Variants in TENM1 observed in about 807,000 individuals in gnomAD.
TENM1 encodes teneurin-1.
In TENM1, 35 loss-of-function variants were observed where a neutral mutation model predicts 174.8. That is an observed-to-expected ratio of 0.20 (90% confidence interval 0.15 to 0.27). The LOEUF (loss-of-function observed/expected upper bound fraction) is 0.27, where lower values mean the gene tolerates loss of function less well. Ranked by LOEUF, TENM1 falls within the 10% of genes least tolerant of loss-of-function variation. The probability of loss-of-function intolerance (pLI) is 1.00; values close to 1 mark genes in which losing one functional copy is unlikely to be tolerated. For synonymous variants in TENM1, 781 were observed against 798.7 expected (o/e 0.98, Z 0.37); for missense variants, 1,633 against 2,130.1 (o/e 0.77, Z 4.59).
intron 23 of TENM1, among the ~76,000 whole-genome samples, chrX:124,429,758 T>C (rs186267098): frequency 2.6e-4 from 29 of 111,799 alleles, no homozygotes; most frequent in African/African-American, 9.1e-4. Flanking sequence ...GGCTCTGTTG[T>C]CAGGTGGTGC....
intron 11 of TENM1, among the ~76,000 whole-genome samples, chrX:124,594,284 T>C (rs1029787802): frequency 3.6e-5 from 4 of 111,740 alleles, no homozygotes; most frequent in Non-Finnish European, 7.5e-5. Context: ...CCCTGGGATC[T>C]GGAGTGTCCT....
chrX:125,168,356 T>G, the TENM1 span, among the ~76,000 whole-genome samples: 2 of 111,696 alleles, frequency 1.8e-5, no homozygotes, highest in East Asian at 5.7e-4. Context: ...TACTTTCCAT[T>G]TAGACTTGTT....
chrX:125,149,332 C>A, the TENM1 span, among the ~76,000 whole-genome samples: 2 of 111,860 alleles, frequency 1.8e-5, no homozygotes. Flanking sequence ...TCGCCATTAA[C>A]AGAATTAACT....
At chrX:124,815,957 G>A (rs2055886533) in intron 3 of TENM1, among the ~76,000 whole-genome samples, 1 of 111,854 alleles carries the variant, frequency 8.9e-6, no homozygotes, top group African/African-American at 3.2e-5. Context: ...TAGGGGTTAA[G>A]TAGATTTGGA....
chrX:124,908,657 TAAAGTA>T, intron 1 of TENM1, among the ~76,000 whole-genome samples: 1 of 111,154 alleles, frequency 9.0e-6, no homozygotes, highest in South Asian at 3.9e-4. Flanking sequence ...TCTCAGAACT[TAAAGTA>T]AATTTTTTTA....
intron 14 of TENM1, among the ~76,000 whole-genome samples, chrX:124,561,338 A>G (rs5958525): frequency 0.036 from 3,987 of 110,911 alleles, 78 homozygotes; most frequent in African/African-American, 0.067. Context: ...TAGCTATGTG[A>G]TTCTGGATAA....
At chrX:124,985,193 T>C in the TENM1 span, among the ~76,000 whole-genome samples, 1 of 112,221 alleles carries the variant, frequency 8.9e-6, no homozygotes, top group Non-Finnish European at 1.9e-5. Flanking sequence ...CAGCACAAAC[T>C]GGAAGTGCCT....
chrX:124,863,098 C>T lies in TENM1; in HGVS notation c.535+31198G>A, dbSNP rs770308406. 1.0e-3 allele frequency among the ~76,000 whole-genome samples: 113 copies of T among 108,638 alleles called. 1 individual carries two copies. Among genetic ancestry groups the T allele is most frequent in the Non-Finnish European group, 1.9e-3 (99 of 52,532 alleles). 94.3% of individuals were successfully genotyped at this position (108,638 alleles called of 115,157 possible). ...AGTCATCACCTGCTAATTGAAGAGCCTTTGGACCCCAAATAAACAGCAATG... is the reference window on the plus strand; with the variant it reads ...AGTCATCACCTGCTAATTGAAGAGCTTTTGGACCCCAAATAAACAGCAATG... On this transcript the variant is annotated intron_variant, in intron 3 of 31. Transcript: ENST00000422452.
At chrX:124,682,694 C>T (rs1217139541) in intron 5 of TENM1, among the ~76,000 whole-genome samples, 1 of 110,658 alleles carries the variant, frequency 9.0e-6, no homozygotes, top group Non-Finnish European at 1.9e-5. Flanking sequence ...ATAATGGCAC[C>T]TCTGTGGTCT....
At chrX:124,897,770 T>C (rs1407878935) in intron 1 of TENM1, among the ~76,000 whole-genome samples, 2 of 112,562 alleles carry the variant, frequency 1.8e-5, no homozygotes, top group East Asian at 5.6e-4. Flanking sequence ...ATTCCCTTTT[T>C]CTACAAAAAC....
chrX:124,893,737 C>T (rs188689447), intron 3 of TENM1, among the ~76,000 whole-genome samples: 1,181 of 111,377 alleles, frequency 0.011, 15 homozygotes, highest in African/African-American at 0.037. Context: ...ACCAATGCCC[C>T]CTTACTAAGG....
rs750890198 is a variant in TENM1 at position 124,532,056 on chromosome X, C to T, written c.2652-2073G>A. On this transcript the variant is annotated intron_variant, in intron 15 of 31. Transcript: ENST00000422452. Reference sequence around the variant, plus strand: ...TTTAGAAATTAGTTAAGCATTGTTTCCTGAGCTCTCAATGCTGTTAGCTGC... The same window carrying T: ...TTTAGAAATTAGTTAAGCATTGTTTTCTGAGCTCTCAATGCTGTTAGCTGC... 1.8e-4 allele frequency among the ~76,000 whole-genome samples: 20 copies of T among 111,538 alleles called. No homozygotes were observed. In the South Asian group the frequency reaches 6.1e-3, roughly 34 times the overall value.
the TENM1 span, among the ~76,000 whole-genome samples, chrX:125,198,898 G>A: frequency 9.1e-6 from 1 of 110,388 alleles, no homozygotes; most frequent in South Asian, 3.9e-4. Context: ...GGGGAGTAGG[G>A]TGTAGAATTG....
chrX:124,592,654 T>C (rs2049783242), intron 11 of TENM1, among the ~76,000 whole-genome samples: 1 of 110,174 alleles, frequency 9.1e-6, no homozygotes, highest in Admixed American at 9.6e-5. Context: ...AGGCTGGTCT[T>C]GAACTCTTGA....
At chrX:125,170,072 T>C in the TENM1 span, among the ~76,000 whole-genome samples, 1 of 111,458 alleles carries the variant, frequency 9.0e-6, no homozygotes, top group Non-Finnish European at 1.9e-5. Flanking sequence ...GACTAGGTGC[T>C]GCTGTAAAAT....
intron 3 of TENM1, among the ~76,000 whole-genome samples, chrX:124,853,921 C>G (rs909877808): frequency 9.0e-6 from 1 of 111,054 alleles, no homozygotes; most frequent in Non-Finnish European, 1.9e-5. Context: ...GGTGCAACTA[C>G]AAGAGTGTCA....
At chrX:125,154,481 G>T in the TENM1 span, among the ~76,000 whole-genome samples, 1 of 111,809 alleles carries the variant, frequency 8.9e-6, no homozygotes. Flanking sequence ...AAATTCCACA[G>T]AGGTCTGTTG....
intron 23 of TENM1, among the ~76,000 whole-genome samples, chrX:124,433,553 G>A (rs1222818257): frequency 1.8e-5 from 2 of 111,621 alleles, no homozygotes; most frequent in Non-Finnish European, 3.8e-5. Context: ...ATGAGTTTTC[G>A]ACGGCAAAGA....
chrX:124,510,811 C>T (rs1348376149), intron 18 of TENM1, among the ~76,000 whole-genome samples: 2 of 70,292 alleles, frequency 2.8e-5, no homozygotes, highest in African/African-American at 9.8e-5. Context: ...TTTTCTGAGA[C>T]AATACTGTCT....
Sources: gnomAD v4.1 joint callset for allele counts (sites outside exome capture counted in the v4.1 genomes callset) on GRCh38, gnomAD v4.1.1 for gene constraint, MANE v1.5 for transcripts, NCBI Gene and HGNC (gene_info 2026-07-23, HGNC 2026-07-21) for gene names.